ROR2: variants seen among roughly 807,000 people sequenced by gnomAD.
ROR2 encodes the protein ROR family WNT receptor 2, also known as tyrosine-protein kinase transmembrane receptor ROR2.
Under a neutral mutation model 74.9 loss-of-function variants are expected in ROR2, and 33 were observed. That is an observed-to-expected ratio of 0.44 (90% CI 0.33 to 0.59). ROR2 has a LOEUF of 0.59. Ranked by LOEUF, ROR2 falls within the 20% of genes least tolerant of loss-of-function variation. The pLI is 0.02. For missense variants in ROR2, 1,216 were observed against 1,313.8 expected, an observed-to-expected ratio of 0.93 and a Z score of 1.15; for synonymous variants, 586 against 558.7, an observed-to-expected ratio of 1.05 and a Z score of -0.69.
At chr9:91,763,614 C>T (rs149537702) in intron 2 of ROR2, among the ~76,000 whole-genome samples, 104 of 152,338 alleles carry the variant, frequency 6.8e-4, no homozygotes, top group African/African-American at 2.2e-3. Flanking sequence ...CCTTGTGTAA[C>T]TGCCTGTTCA....
chr9:91,764,587 C>CACACA (rs1554757119), intron 2 of ROR2, among the ~76,000 whole-genome samples: 1 of 139,322 alleles, frequency 7.2e-6, no homozygotes, highest in East Asian at 2.5e-4. Flanking sequence ...CACACACACA[C>CACACA]CACACACATT....
intron 1 of ROR2, among the ~76,000 whole-genome samples, chr9:91,883,883 A>G (rs1000287741): frequency 2.6e-5 from 4 of 152,060 alleles, no homozygotes; most frequent in African/African-American, 9.7e-5. Context: ...CCCCCTTCTC[A>G]GCCCCCTACC....
intron 1 of ROR2, among the ~76,000 whole-genome samples, chr9:91,885,769 A>C (rs771065865): frequency 6.6e-6 from 1 of 152,238 alleles, no homozygotes; most frequent in Non-Finnish European, 1.5e-5. Context: ...CCTGTTGAAT[A>C]ACACACAAAA....
chr9:91,887,863 C>T (rs948610008), intron 1 of ROR2, among the ~76,000 whole-genome samples: 4 of 133,878 alleles, frequency 3.0e-5, no homozygotes, highest in African/African-American at 1.1e-4. Flanking sequence ...GCCATCACAA[C>T]TCACTGCAAC....
chr9:91,828,157 T>C (rs4067304), intron 1 of ROR2, among the ~76,000 whole-genome samples: 4,400 of 152,368 alleles, frequency 0.029, 90 homozygotes, highest in Non-Finnish European at 0.045. Context: ...AATAAATTAT[T>C]GTACTTTTGA....
At chr9:91,940,084 C>T (rs1206340960) in intron 1 of ROR2, among the ~76,000 whole-genome samples, 1 of 152,180 alleles carries the variant, frequency 6.6e-6, no homozygotes, top group Admixed American at 6.5e-5. Flanking sequence ...TTCCAGAATT[C>T]GGAGCTTCCA....
At chr9:91,932,656 T>C (rs1831578724) in intron 1 of ROR2, among the ~76,000 whole-genome samples, 1 of 149,342 alleles carries the variant, frequency 6.7e-6, no homozygotes, top group African/African-American at 2.5e-5. Context: ...TGAGCGAGAC[T>C]GTCTCAAAAA....
chr9:91,763,001 A>C (rs1203603061), intron 2 of ROR2, among the ~76,000 whole-genome samples: 4 of 151,944 alleles, frequency 2.6e-5, no homozygotes, highest in Non-Finnish European at 5.9e-5. Context: ...ATGCAGCCAT[A>C]AAAAAAATCA....
intron 3 of ROR2, 132 bp from the exon 4 acceptor site, chr9:91,756,233 G>A: frequency 1.2e-6 from 1 of 804,566 alleles, no homozygotes; most frequent in Non-Finnish European, 2.2e-6. Flanking sequence ...TCGGGCCTCA[G>A]GCTCCACTCG....
At chr9:91,933,937 A>C (rs3858082) in intron 1 of ROR2, among the ~76,000 whole-genome samples, 4,606 of 152,314 alleles carry the variant, frequency 0.03, 130 homozygotes, top group South Asian at 0.12. Flanking sequence ...TCAAGTAACA[A>C]TAAAAGTGGA....
chr9:91,948,874 C>T lies in ROR2; in HGVS notation c.97+993G>A, dbSNP rs570571160. On this transcript the variant is annotated intron_variant, in intron 1 of 8. Coordinates refer to ENST00000375708, the MANE Select transcript of ROR2 (RefSeq NM_004560.4). ...CCACCCCCGCAGGGTGCCGAGAATC[C>T]GGCCCGAGGCGCGCGGGCGGGAGGT... The T allele has an allele frequency of 1.4e-4, 141 of 985,462 alleles. No homozygotes were observed. In the African/African-American group the frequency reaches 2.3e-3, roughly 16 times the overall value. The allele number at this position is 985,462 out of a possible 1,614,324, so 61.0% of individuals were successfully genotyped here.
intron 1 of ROR2, among the ~76,000 whole-genome samples, chr9:91,930,732 G>A (rs1391721254): frequency 1.8e-4 from 27 of 152,198 alleles, no homozygotes; most frequent in Admixed American, 1.8e-3. Flanking sequence ...AGACAGCTGA[G>A]ATACAACACA....
intron 4 of ROR2, among the ~76,000 whole-genome samples, chr9:91,739,519 A>G (rs1825147234): frequency 6.6e-6 from 1 of 151,314 alleles, no homozygotes; most frequent in Admixed American, 6.6e-5. Context: ...AATTTAAAAA[A>G]AAAAAAAAAA....
At chr9:91,727,029 C>T (rs990412021) in intron 7 of ROR2, among the ~76,000 whole-genome samples, 9 of 152,172 alleles carry the variant, frequency 5.9e-5, no homozygotes, top group East Asian at 1.9e-4. Flanking sequence ...ATCTTAATAA[C>T]GACCACATCC....
intron 7 of ROR2, among the ~76,000 whole-genome samples, chr9:91,728,776 T>A (rs1837133183): frequency 6.6e-6 from 1 of 152,350 alleles, no homozygotes; most frequent in Middle Eastern, 3.4e-3. Context: ...CATATTTTCC[T>A]GCTCCTGTTT....
At chr9:91,736,549 A>C (rs1478004420) in intron 5 of ROR2, among the ~76,000 whole-genome samples, 1 of 152,226 alleles carries the variant, frequency 6.6e-6, no homozygotes, top group Non-Finnish European at 1.5e-5. Context: ...GGCACCGGCC[A>C]TCTGCACAGG....
chr9:91,898,906 CAGGA>C (rs1830603770), intron 1 of ROR2, among the ~76,000 whole-genome samples: 1 of 152,212 alleles, frequency 6.6e-6, no homozygotes, highest in Non-Finnish European at 1.5e-5. Flanking sequence ...ACAGTAACTC[CAGGA>C]AACTGGAAGA....
At chr9:91,879,624 C>G in intron 1 of ROR2, among the ~76,000 whole-genome samples, 1 of 152,246 alleles carries the variant, frequency 6.6e-6, no homozygotes, top group South Asian at 2.1e-4. Context: ...ATGCAGGTAC[C>G]TGAGCAGGAG....
chr9:91,873,805 GC>G (rs1301965109), intron 1 of ROR2, among the ~76,000 whole-genome samples: 2 of 152,146 alleles, frequency 1.3e-5, no homozygotes, highest in Admixed American at 6.5e-5. Context: ...AGAGTCCGAA[GC>G]CGTGTTCTAC....
Sources: gnomAD v4.1 joint callset for allele counts (sites outside exome capture counted in the v4.1 genomes callset) on GRCh38, gnomAD v4.1.1 for gene constraint, MANE v1.5 for transcripts, NCBI Gene and HGNC (gene_info 2026-07-23, HGNC 2026-07-21) for gene names.